The following ZDHHC2 variants were observed in gnomAD, a reference collection of about 807,000 sequenced individuals.
ZDHHC2 encodes the protein zDHHC palmitoyltransferase 2.
Under a neutral mutation model 55.6 loss-of-function variants are expected in ZDHHC2, and 51 were observed. The ratio of observed to expected loss-of-function variants is 0.92; its 90% confidence interval spans 0.73 to 1.16. ZDHHC2 has a LOEUF of 1.16. Among genes scored for constraint, ZDHHC2 ranks in the 50% most tolerant of loss-of-function variants. ZDHHC2 has a pLI of 0.00. For synonymous variants in ZDHHC2, 199 were observed against 152.9 expected (o/e 1.30, Z -2.22); for missense variants, 491 against 442.4 (o/e 1.11, Z -0.99).
At chr8:17,175,313 G>GT (rs1475478713) in intron 1 of ZDHHC2, among the ~76,000 whole-genome samples, 2 of 152,176 alleles carry the variant, frequency 1.3e-5, no homozygotes, top group Non-Finnish European at 2.9e-5. Flanking sequence ...TACTGGTTTA[G>GT]TTTTTTTCTC....
At chr8:17,216,929 C>T (rs1399855778) in intron 11 of ZDHHC2, among the ~76,000 whole-genome samples, 1 of 152,070 alleles carries the variant, frequency 6.6e-6, no homozygotes, top group East Asian at 1.9e-4. Context: ...TGTTTCTCTA[C>T]TTCCTCAGAT....
intron 1 of ZDHHC2, among the ~76,000 whole-genome samples, chr8:17,162,456 T>G (rs1804395608): frequency 6.6e-6 from 1 of 152,176 alleles, no homozygotes; most frequent in Non-Finnish European, 1.5e-5. Context: ...GCAGGAATGT[T>G]TCCAGTAATT....
intron 2 of ZDHHC2, 70 bp from the exon 3 acceptor site, chr8:17,186,261 C>T (rs924146143): frequency 6.2e-6 from 6 of 975,272 alleles, no homozygotes; most frequent in African/African-American, 5.1e-5. Flanking sequence ...ACAAGCAGAT[C>T]GGTTGTGACT....
At chr8:17,210,350 T>A (rs1403013202) in intron 9 of ZDHHC2, 38 bp from the exon 10 acceptor site, 1 of 1,588,488 alleles carries the variant, frequency 6.3e-7, no homozygotes, top group Admixed American at 1.8e-5. Context: ...CCGTTGTCTT[T>A]TGTATGGTTC....
intron 3 of ZDHHC2, among the ~76,000 whole-genome samples, chr8:17,190,103 A>G (rs1805941714): frequency 6.6e-6 from 1 of 152,066 alleles, no homozygotes; most frequent in African/African-American, 2.4e-5. Context: ...TTCATTTAAT[A>G]TTTTTATTTT....
chr8:17,190,609 G>A (rs868098108), intron 3 of ZDHHC2, among the ~76,000 whole-genome samples: 6 of 151,996 alleles, frequency 3.9e-5, no homozygotes, highest in South Asian at 2.1e-4. Context: ...TAATACAACC[G>A]CACTAAATTA....
rs377261727 is a variant in ZDHHC2, at chr8:17,184,486, C to T, written c.131-303C>T. ...CTGAACTCTATAGTTGGAAGGAAAA[C>T]CAGTCAACCAAATGATACAGAAATA... On this transcript the variant is annotated intron_variant, in intron 1 of 12. Coordinates refer to ENST00000262096, the MANE Select transcript of ZDHHC2 (RefSeq NM_016353.5). Among the ~76,000 whole-genome samples the T allele has an allele frequency of 4.4e-4, 67 of 152,282 alleles. No individual in the cohort carries two copies. The South Asian group carries it at 0.014, about 31-fold the overall frequency.
At chr8:17,202,064 CTTCATA>C (rs944663625) in intron 6 of ZDHHC2, among the ~76,000 whole-genome samples, 21 of 152,062 alleles carry the variant, frequency 1.4e-4, no homozygotes, top group Non-Finnish European at 2.8e-4. Context: ...TAGTTAATTA[CTTCATA>C]TTAATAATAC....
intron 3 of ZDHHC2, among the ~76,000 whole-genome samples, chr8:17,190,880 A>C (rs1226805325): frequency 6.6e-6 from 1 of 151,172 alleles, no homozygotes; most frequent in Non-Finnish European, 1.5e-5. Flanking sequence ...TAGTTATTTT[A>C]AAATGTACAA....
Position 17,198,426 on chromosome 8 carries a change from T to C in ZDHHC2, c.476+13T>C. 1.9e-6 allele frequency: 3 copies of C among 1,595,788 alleles called. No individual in the cohort carries two copies. The highest frequency in any genetic ancestry group is 2.6e-6 in the Non-Finnish European group (3 of 1,171,954). On this transcript the variant is annotated intron_variant, in intron 6 of 12. Coordinates refer to ENST00000262096, the MANE Select transcript of ZDHHC2 (RefSeq NM_016353.5). ...ATCATTGTCCATGGTGAGTTGGCTG[T>C]ATATTTAAACAAGTTTGTGTCCCTT...
intron 1 of ZDHHC2, among the ~76,000 whole-genome samples, chr8:17,174,933 C>T (rs376474536): frequency 6.6e-6 from 1 of 151,784 alleles, no homozygotes; most frequent in Non-Finnish European, 1.5e-5. Flanking sequence ...TACCATGTTG[C>T]CAAGGCTGGT....
At chr8:17,218,223 C>T (rs188265466) in intron 12 of ZDHHC2, among the ~76,000 whole-genome samples, 26 of 152,264 alleles carry the variant, frequency 1.7e-4, no homozygotes, top group Non-Finnish European at 1.5e-5. Flanking sequence ...GTGAAAATTT[C>T]ATCTGAATTT....
At chr8:17,215,029 A>C (rs937544825) in intron 10 of ZDHHC2, among the ~76,000 whole-genome samples, 1 of 152,166 alleles carries the variant, frequency 6.6e-6, no homozygotes, top group Admixed American at 6.5e-5. Context: ...TAAGCAGAAG[A>C]AGGAAAAGAG....
At chr8:17,188,737 C>T (rs771217892) in intron 3 of ZDHHC2, among the ~76,000 whole-genome samples, 18 of 152,170 alleles carry the variant, frequency 1.2e-4, no homozygotes, top group Admixed American at 3.9e-4. Context: ...TGCTAATAAA[C>T]GCCTGACACA....
Position 17,221,989 on chromosome 8 carries a change from T to G in ZDHHC2, c.*1768T>G, listed in dbSNP as rs909868622. 1.1e-4 allele frequency: 17 copies of G among 150,366 alleles called. No homozygotes were observed. Among genetic ancestry groups the G allele is most frequent in the South Asian group, 2.1e-4 (1 of 4,768 alleles). 9.3% of individuals were successfully genotyped at this position (150,366 alleles called of 1,614,324 possible). A position where few individuals can be genotyped will look rare whatever the true frequency, so the allele number is the denominator to read the frequency against. ...ATATGAAGTCAGGTTTGTTTTTTTT[T>G]TTTTTTTTTTTTCAAAGCACAGTAC... On this transcript the variant is annotated 3_prime_UTR_variant, in exon 13 of 13. Coordinates refer to ENST00000262096, the MANE Select transcript of ZDHHC2 (RefSeq NM_016353.5).
chr8:17,179,783 C>G (rs928272291), intron 1 of ZDHHC2, among the ~76,000 whole-genome samples: 8 of 152,148 alleles, frequency 5.3e-5, no homozygotes, highest in African/African-American at 1.7e-4. Context: ...AGTAATTTAC[C>G]TTTTTCACTT....
At chr8:17,185,085 A>G (rs1805642332) in intron 2 of ZDHHC2, among the ~76,000 whole-genome samples, 1 of 152,194 alleles carries the variant, frequency 6.6e-6, no homozygotes. Context: ...AATTCAGATT[A>G]TGAACTTATA....
chr8:17,163,728 C>T (rs1057325647), intron 1 of ZDHHC2, among the ~76,000 whole-genome samples: 7 of 152,104 alleles, frequency 4.6e-5, no homozygotes, highest in African/African-American at 1.7e-4. Flanking sequence ...TCTTGTCTGT[C>T]TTGCAGAATG....
At chr8:17,190,847 T>G (rs1271993855) in intron 3 of ZDHHC2, among the ~76,000 whole-genome samples, 1 of 151,798 alleles carries the variant, frequency 6.6e-6, no homozygotes, top group African/African-American at 2.4e-5. Context: ...TATTTTGTGT[T>G]ACAAAAAATC....
Sources: gnomAD v4.1 joint callset for allele counts (sites outside exome capture counted in the v4.1 genomes callset) on GRCh38, gnomAD v4.1.1 for gene constraint, MANE v1.5 for transcripts, NCBI Gene and HGNC (gene_info 2026-07-23, HGNC 2026-07-21) for gene names.